Variants in STK36 observed in about 807,000 individuals in gnomAD.
The protein encoded by STK36 is serine/threonine kinase 36.
Under a neutral mutation model 142.2 loss-of-function variants are expected in STK36, and 116 were observed. The observed-to-expected ratio is 0.82, with a 90% CI of 0.70 to 0.95. The LOEUF (loss-of-function observed/expected upper bound fraction) is 0.95. STK36 is among the 40% of genes least tolerant of loss of function. STK36 has a pLI of 0.00. For synonymous variants in STK36, 619 were observed against 641.7 expected (o/e 0.96, Z 0.53); for missense variants, 1,422 against 1,617.2 (o/e 0.88, Z 2.07).
At chr2:218,687,540 G>C (rs1412799318) in intron 11 of STK36, among the ~76,000 whole-genome samples, 3 of 152,156 alleles carry the variant, frequency 2.0e-5, no homozygotes, top group Non-Finnish European at 4.4e-5. Flanking sequence ...TTGGCACTTT[G>C]CACTTGTCTT....
chr2:218,699,431 T>A, intron 26 of STK36, 83 bp downstream of exon 26: 1 of 1,528,582 alleles, frequency 6.5e-7, no homozygotes, highest in Non-Finnish European at 8.8e-7. Context: ...TGTAAGGAAT[T>A]GGAATCGGGA....
At chr2:218,682,587 CTTTATTTA>C (rs754706288) in intron 10 of STK36, among the ~76,000 whole-genome samples, 2 of 151,720 alleles carry the variant, frequency 1.3e-5, no homozygotes, top group Admixed American at 6.6e-5. Flanking sequence ...TCACACCTTG[CTTTATTTA>C]TTTATTTATT....
rs1940878429 is a variant in STK36, at chr2:218,688,747, G to A, written c.1431G>A (p.Arg477=). ...EGASHILPAF[R]VLSSLLSSCS... is the part of the protein sequence containing the mutation. ...CTTCCCACATCCTGCCTGCATTCCG[G>A]GTCCTGAGCAGTCTTCTCTCCAGCT... Residue 477 remains arginine, a synonymous_variant, in exon 12 of 27, where the codon CGG becomes CGA. Transcript: ENST00000295709. 6.2e-7 allele frequency: 1 copy of A among 1,614,062 alleles called. No individual in the cohort carries two copies. Among genetic ancestry groups the A allele is most frequent in the Non-Finnish European group, 8.5e-7 (1 of 1,179,980 alleles).
intron 4 of STK36, among the ~76,000 whole-genome samples, chr2:218,674,735 A>G (rs1940155756): frequency 2.0e-5 from 3 of 152,050 alleles, no homozygotes; most frequent in Admixed American, 2.0e-4. Context: ...CCCAGTAACC[A>G]GGATTATAGC....
intron 25 of STK36, 109 bp from the exon 26 acceptor site, chr2:218,698,491 CTG>C (rs1941318165): frequency 7.3e-7 from 1 of 1,363,696 alleles, no homozygotes; most frequent in Middle Eastern, 1.9e-4. Context: ...TTCCAGCTCT[CTG>C]TGGCATTTCT....
intron 6 of STK36, among the ~76,000 whole-genome samples, chr2:218,678,606 A>G (rs1296056804): frequency 2.0e-5 from 3 of 152,184 alleles, no homozygotes; most frequent in African/African-American, 7.2e-5. Flanking sequence ...AAGATTCCTG[A>G]TAAGGATAAG....
At chr2:218,675,568 A>C (rs1379904524) in intron 5 of STK36, 95 bp downstream of exon 5, 63 of 1,411,294 alleles carry the variant, frequency 4.5e-5, no homozygotes, top group Non-Finnish European at 5.7e-5. Flanking sequence ...CTTGTTACCC[A>C]GGCTGAAGTG....
At chr2:218,697,008 T>TC (rs763904399) in intron 22 of STK36, 31 bp from the exon 23 acceptor site, 53 of 1,611,084 alleles carry the variant, frequency 3.3e-5, no homozygotes, top group Non-Finnish European at 4.4e-5. Flanking sequence ...CTTCTGTCTT[T>TC]CCCCCCGCCC....
Position 218,694,380 on chromosome 2 carries a change from T to C in STK36, c.2400+53T>C. ...CCTTTTCACCCTAGCATCTACCCCT[T>C]GTGGAAGTGGGGGAGTCACTATCCA... On this transcript the variant is annotated intron_variant, in intron 20 of 26. Transcript: ENST00000295709. The surrounding 1 kb of genome is among the most constrained non-coding windows in gnomAD (Gnocchi z 4.4). The C allele has an allele frequency of 6.4e-7, 1 of 1,560,872 alleles. No individual in the cohort carries two copies. The highest frequency in any genetic ancestry group is 8.8e-7 in the Non-Finnish European group (1 of 1,131,730).
rs1156586844 is a variant in STK36, at chr2:218,699,489, T to G, written c.3804+141T>G. The stretch of plus-strand genomic sequence containing the variant: ...TTCTCCCAGGGACAGTGTCTTGGAG[T>G]GAGTTTTCTAGTTACATCTCCTGCC... On this transcript the variant is annotated intron_variant, in intron 26 of 26. Transcript: ENST00000295709. The G allele has an allele frequency of 3.8e-6, 5 of 1,316,452 alleles. No individual in the cohort carries two copies. The African/African-American group carries it at 7.6e-5, about 20-fold the overall frequency. The allele number at this position is 1,316,452 out of a possible 1,614,324, so 81.5% of individuals were successfully genotyped here.
rs751586911 is a variant in STK36, at chr2:218,676,236, G to T, written c.642G>T (p.Lys214Asn). 3.1e-6 allele frequency: 5 copies of T among 1,614,164 alleles called. No individual in the cohort carries two copies. In the South Asian group the frequency reaches 5.5e-5, roughly 18 times the overall value. Residue 214 changes from lysine (K) to asparagine (N), a missense_variant, in exon 6 of 27, where the codon AAG (lysine) becomes AAT (asparagine). Coordinates refer to ENST00000295709, the MANE Select transcript of STK36 (RefSeq NM_015690.5). ...SIFQLVSLILKDPVRWPSTIS... is the reference protein window; with the variant it reads ...SIFQLVSLILNDPVRWPSTIS... Reference sequence around the variant, plus strand: ...TTCAGCTGGTCAGCCTCATTCTCAAGGACCCTGTGCGCTGGCCCTCAACCA... The same window carrying T: ...TTCAGCTGGTCAGCCTCATTCTCAATGACCCTGTGCGCTGGCCCTCAACCA...
chr2:218,683,274 ATTTTTTTT>A (rs747160623), intron 10 of STK36, among the ~76,000 whole-genome samples: 1 of 133,476 alleles, frequency 7.5e-6, no homozygotes, highest in Non-Finnish European at 1.6e-5. Flanking sequence ...ATGCCCAGCT[ATTTTTTTT>A]TTTTTTTTTT....
intron 11 of STK36, among the ~76,000 whole-genome samples, chr2:218,685,727 C>T (rs982086704): frequency 1.3e-5 from 2 of 152,144 alleles, no homozygotes; most frequent in African/African-American, 4.8e-5. Flanking sequence ...CAAAACCTTA[C>T]TTTGCTCCTC....
chr2:218,692,079 T>C lies in STK36; in HGVS notation c.1765-64T>C, dbSNP rs74524918. On this transcript the variant is annotated intron_variant, in intron 14 of 26. Transcript: ENST00000295709. ...TTTCCTCAGATCCTCAGGGTTTTCTTGTTTTTTACACTAAGCCCAGTCTTC... is the reference window on the plus strand; with the variant it reads ...TTTCCTCAGATCCTCAGGGTTTTCTCGTTTTTTACACTAAGCCCAGTCTTC... 2,058 of 1,552,790 alleles carry C rather than the reference T, an allele frequency of 1.3e-3. 33 individuals are homozygous for C. The African/African-American group carries it at 0.025, about 19-fold the overall frequency.
rs148168147 is a variant in STK36 at position 218,693,938 on chromosome 2, A to G, written c.2291A>G (p.Tyr764Cys). The G allele has an allele frequency of 2.2e-5, 35 of 1,614,194 alleles. No individual in the cohort carries two copies. In the African/African-American group the frequency reaches 4.0e-4, roughly 18 times the overall value. Residue 764 changes from tyrosine (Y) to cysteine (C), a missense_variant, in exon 19 of 27, where the codon TAC (tyrosine) becomes TGC (cysteine). Physicochemically the swap from Tyr to Cys is radical, Grantham distance 194 (BLOSUM62 -2). This residue lies in a region of STK36 where 962 missense variants were observed against 1,167.5 expected (regional missense o/e 0.82). Coordinates refer to ENST00000295709, the MANE Select transcript of STK36 (RefSeq NM_015690.5). ...DWEESTEVTL[Y>C]FLSLLVFRLQ... ...GAAGAGTCTACTGAAGTGACACTCT[A>G]CTTCCTCTCCCTTCTTGTCTTTCGG... is the stretch of plus-strand genomic sequence containing the variant.
At chr2:218,696,449 C>A in intron 21 of STK36, 78 bp from the exon 22 acceptor site, 1 of 1,248,356 alleles carries the variant, frequency 8.0e-7, no homozygotes, top group Non-Finnish European at 1.2e-6. Context: ...CTCCATGGCA[C>A]CATCACTGAC....
chr2:218,676,332 A>G, intron 6 of STK36, 54 bp downstream of exon 6: 2 of 1,594,602 alleles, frequency 1.3e-6, no homozygotes, highest in Admixed American at 1.7e-5. Flanking sequence ...GTCTCCCTCT[A>G]TCTCTGTTCC....
At chr2:218,682,167 T>C (rs920692601) in intron 10 of STK36, among the ~76,000 whole-genome samples, 8 of 152,192 alleles carry the variant, frequency 5.3e-5, no homozygotes, top group African/African-American at 1.9e-4. Context: ...CCTTAGGTGA[T>C]CTGCCTGCCT....
At position 218,697,623 on chromosome 2, in the gene STK36, T is replaced by C; in HGVS notation, c.2909+13T>C. 1 of 1,613,820 alleles carries C rather than the reference T, an allele frequency of 6.2e-7. No homozygotes were observed. Among genetic ancestry groups the C allele is most frequent in the Non-Finnish European group, 8.5e-7 (1 of 1,179,954 alleles). On this transcript the variant is annotated intron_variant, in intron 24 of 26. Coordinates refer to ENST00000295709, the MANE Select transcript of STK36 (RefSeq NM_015690.5). ...AACTGCGCCAGGCGTGAGTTTGAGC[T>C]AGAAGAGAGCCACAGAGTCAGCAAC... is the stretch of plus-strand genomic sequence containing the variant.
Sources: allele counts gnomAD v4.1 joint callset (sites outside exome capture counted in the v4.1 genomes callset), GRCh38; gene constraint gnomAD v4.1.1; regional missense constraint gnomAD v4.1.1; non-coding constraint Gnocchi (gnomAD v3.1); transcripts MANE v1.5; gene names NCBI Gene and HGNC (gene_info 2026-07-23, HGNC 2026-07-21).